The following ACAD8 variants were observed in gnomAD, a reference collection of about 807,000 sequenced individuals.
ACAD8 encodes the protein acyl-CoA dehydrogenase family member 8.
ACAD8 carries 47 observed loss-of-function variants against 53.1 expected under a neutral mutation model. That is an observed-to-expected ratio of 0.89 (90% confidence interval 0.70 to 1.13). ACAD8 has a LOEUF of 1.13. ACAD8 is among the 50% of genes most tolerant of loss of function. The pLI is 0.00. For synonymous variants in ACAD8, 198 were observed against 201.3 expected (o/e 0.98, Z 0.14); for missense variants, 494 against 535.0 (o/e 0.92, Z 0.76).
At chr11:134,257,024 G>A (rs983622338) in intron 2 of ACAD8, 64 bp from the exon 3 acceptor site, 1 of 1,561,830 alleles carries the variant, frequency 6.4e-7, no homozygotes, top group African/African-American at 1.4e-5. Flanking sequence ...CCCTCACTGT[G>A]CCCTCTAAAA....
chr11:134,261,947 G>A lies in ACAD8; in HGVS notation c.1092+57G>A. 1 of 1,598,140 alleles carries A rather than the reference G, an allele frequency of 6.3e-7. No individual in the cohort carries two copies. The highest frequency in any genetic ancestry group is 8.5e-7 in the Non-Finnish European group (1 of 1,172,162). ...ACAGGGAACAGCTGCTAGGCCCAGG[G>A]GTCTTGAGAGACATGAGTCAGATTT... is the stretch of plus-strand genomic sequence containing the variant. On this transcript the variant is annotated intron_variant, in intron 9 of 10. Coordinates refer to ENST00000281182, the MANE Select transcript of ACAD8 (RefSeq NM_014384.3). The surrounding 1 kb of genome is among the most constrained non-coding windows in gnomAD (Gnocchi z 4.2).
chr11:134,262,041 G>A (rs1016192841), intron 9 of ACAD8, 151 bp downstream of exon 9: 40 of 906,898 alleles, frequency 4.4e-5, no homozygotes, highest in East Asian at 7.9e-5. Context: ...ACTCATGAGC[G>A]GCCTATGTGG....
chr11:134,263,108 A>T, intron 10 of ACAD8: 1 of 1,130,290 alleles, frequency 8.8e-7, no homozygotes, highest in Non-Finnish European at 1.1e-6. Context: ...CTATATGGGT[A>T]TCTTCTTGGT....
rs748606570 is a variant in ACAD8, at chr11:134,257,160, G to A, written c.283G>A (p.Val95Met). Residue 95 changes from valine (V) to methionine (M), a missense_variant, in exon 3 of 11, where the codon GTG becomes ATG. Transcript: ENST00000281182. ...CGGAGGGGTCTACATACAAACAGAT[G>A]TGGGCGGGTCTGGGCTGTCACGTCT... ...GFGGVYIQTD[V>M]GGSGLSRLDT... is the part of the protein sequence containing the mutation. 4 of 1,614,078 alleles carry A rather than the reference G, an allele frequency of 2.5e-6. No individual in the cohort carries two copies. In the African/African-American group the frequency reaches 4.0e-5, roughly 16 times the overall value.
intron 1 of ACAD8, among the ~76,000 whole-genome samples, chr11:134,255,166 T>G (rs978073878): frequency 6.6e-6 from 1 of 152,210 alleles, no homozygotes; most frequent in African/African-American, 2.4e-5. Flanking sequence ...AGATGGAGTC[T>G]CTTTCTGTTG....
intron 3 of ACAD8, chr11:134,258,208 G>C: frequency 2.5e-6 from 1 of 407,066 alleles, no homozygotes; most frequent in South Asian, 2.2e-5. Context: ...GGAAGTAATA[G>C]AAACTACTAA....
chr11:134,260,203 T>C (rs1591512626), intron 6 of ACAD8: 2 of 1,108,874 alleles, frequency 1.8e-6, no homozygotes, highest in East Asian at 1.4e-4. Context: ...GAAGGACACT[T>C]AGGTACTGTA....
chr11:134,261,240 A>T lies in ACAD8; in HGVS notation c.842-35A>T. The T allele has an allele frequency of 6.2e-7, 1 of 1,614,108 alleles. No individual in the cohort carries two copies. The highest frequency in any genetic ancestry group is 8.5e-7 in the Non-Finnish European group (1 of 1,180,016). On this transcript the variant is annotated intron_variant, in intron 7 of 10. Transcript: ENST00000281182. The surrounding 1 kb of genome is among the most constrained non-coding windows in gnomAD (Gnocchi z 4.2). ...TCCGGGACAGGCACTGCTGTTTTCCAGCTTGGTTGGAACGTCGGCGCTCTT... is the reference window on the plus strand; with the variant it reads ...TCCGGGACAGGCACTGCTGTTTTCCTGCTTGGTTGGAACGTCGGCGCTCTT...
rs748422726 is a variant in ACAD8 at position 134,259,710 on chromosome 11, A to G, written c.670A>G (p.Thr224Ala). The change falls in exon 6 of 11, where the codon ACC becomes GCC. Residue 224 changes from threonine (T) to alanine (A), a missense_variant. By Grantham distance (58) the Thr-to-Ala change is moderately conservative. Coordinates refer to ENST00000281182, the MANE Select transcript of ACAD8 (RefSeq NM_014384.3). ...GISCIVVEKG[T>A]PGLSFGKKEK... The stretch of plus-strand genomic sequence containing the variant: ...CTCATGCATAGTTGTTGAGAAGGGG[A>G]CCCCTGGCCTCAGCTTTGGCAAGAA... 4 of 1,614,076 alleles carry G rather than the reference A, an allele frequency of 2.5e-6. No individual in the cohort carries two copies. The Admixed American group carries it at 5.0e-5, about 20-fold the overall frequency.
chr11:134,260,132 T>A, intron 6 of ACAD8: 1 of 1,161,474 alleles, frequency 8.6e-7, no homozygotes, highest in Non-Finnish European at 1.1e-6. Context: ...CCCTTTTGCT[T>A]CTTTGATTAA....
chr11:134,263,993 G>A (rs1045247181), intron 10 of ACAD8: 4 of 985,350 alleles, frequency 4.1e-6, no homozygotes, highest in Non-Finnish European at 4.8e-6. Context: ...TCATTCTTTT[G>A]TAAGTCAGTT....
rs533580357 is a variant in ACAD8, at chr11:134,259,821, C to G, written c.705+76C>G. Reference sequence around the variant, plus strand: ...TGCCAGCCCAACTCCTGCTCTATTTCAGAAAACAGGTTTGCATACTTGCTA... The same window carrying G: ...TGCCAGCCCAACTCCTGCTCTATTTGAGAAAACAGGTTTGCATACTTGCTA... On this transcript the variant is annotated intron_variant, in intron 6 of 10. Coordinates refer to ENST00000281182, the MANE Select transcript of ACAD8 (RefSeq NM_014384.3). The G allele has an allele frequency of 1.9e-5, 31 of 1,609,266 alleles. 1 individual carries two copies. The South Asian group carries it at 3.4e-4, about 18-fold the overall frequency.
chr11:134,262,040 C>T lies in ACAD8; in HGVS notation c.1092+150C>T, dbSNP rs2276264. ...TTAAGGATATAAATGAACTCATGAG[C>T]GGCCTATGTGGGAGCTCTCATCGCT... is the stretch of plus-strand genomic sequence containing the variant. On this transcript the variant is annotated intron_variant, in intron 9 of 10. Coordinates refer to ENST00000281182, the MANE Select transcript of ACAD8 (RefSeq NM_014384.3). 2.8e-3 allele frequency: 2,698 copies of T among 954,998 alleles called. 47 individuals are homozygous for T. Among genetic ancestry groups the T allele is most frequent in the East Asian group, 0.025 (948 of 38,076 alleles). The allele number at this position is 954,998 out of a possible 1,614,324, so 59.2% of individuals were successfully genotyped here.
At chr11:134,253,935 T>C (rs1279883175) in intron 1 of ACAD8, among the ~76,000 whole-genome samples, 5 of 144,096 alleles carry the variant, frequency 3.5e-5, no homozygotes, top group African/African-American at 1.3e-4. Flanking sequence ...CCGTCACCCC[T>C]GCCCGGGTCC....
intron 10 of ACAD8, chr11:134,263,749 G>A: frequency 1.0e-6 from 1 of 985,380 alleles, no homozygotes; most frequent in Non-Finnish European, 1.2e-6. Context: ...TAATAAGCAG[G>A]AAAACATTTA....
In ACAD8 at chr11:134,253,572, T is replaced by G. The variant is rs533296754; in HGVS notation, c.-29T>G. 6 of 1,554,602 alleles carry G rather than the reference T, an allele frequency of 3.9e-6. No individual in the cohort carries two copies. The South Asian group carries it at 4.7e-5, about 12-fold the overall frequency. ...CAACGGAGGTCGAAGGCGTTCAGAC[T>G]CTTAGCTGAACGCGGAGCTGCGGCG... On this transcript the variant is annotated 5_prime_UTR_variant, in exon 1 of 11. Coordinates refer to ENST00000281182, the MANE Select transcript of ACAD8 (RefSeq NM_014384.3).
intron 5 of ACAD8, 137 bp from the exon 6 acceptor site, chr11:134,259,471 C>T (rs1939746751): frequency 1.6e-6 from 1 of 629,272 alleles, no homozygotes. Context: ...ACCTTATTGT[C>T]AGTCTCTGTG....
chr11:134,257,371 G>A (rs1939600773), intron 3 of ACAD8, 114 bp downstream of exon 3: 2 of 1,357,458 alleles, frequency 1.5e-6, no homozygotes, highest in Non-Finnish European at 2.1e-6. Context: ...CAAGGAACTG[G>A]ACTTAAAAGT....
At chr11:134,263,289 C>A (rs1161551045) in intron 10 of ACAD8, 1 of 1,002,968 alleles carries the variant, frequency 1.0e-6, no homozygotes. Context: ...CGTGAGGCTG[C>A]CTTGCTGGAA....
Sources: allele counts gnomAD v4.1 joint callset (sites outside exome capture counted in the v4.1 genomes callset), GRCh38; gene constraint gnomAD v4.1.1; non-coding constraint Gnocchi (gnomAD v3.1); transcripts MANE v1.5; gene names NCBI Gene and HGNC (gene_info 2026-07-23, HGNC 2026-07-21).